The following TRMT10B variants were observed in gnomAD, a reference collection of about 807,000 sequenced individuals.
TRMT10B encodes tRNA methyltransferase 10 homolog B.
TRMT10B carries 33 observed loss-of-function variants against 43.8 expected under a neutral mutation model. That is an observed-to-expected ratio of 0.75 (90% CI 0.57 to 1.01). The LOEUF is 1.01. TRMT10B is among the 50% of genes least tolerant of loss of function. The pLI is 0.00. For synonymous variants in TRMT10B, 137 were observed against 130.6 expected, an observed-to-expected ratio of 1.05 and a Z score of -0.34; for missense variants, 362 against 369.8, an observed-to-expected ratio of 0.98 and a Z score of 0.17.
intron 7 of TRMT10B, among the ~76,000 whole-genome samples, chr9:37,775,182 A>G (rs866335252): frequency 3.9e-5 from 6 of 152,250 alleles, no homozygotes; most frequent in African/African-American, 1.4e-4. Context: ...CCCTGTCACA[A>G]GAGCTGTCCA....
At chr9:37,756,083 C>G (rs749360693) in intron 1 of TRMT10B, among the ~76,000 whole-genome samples, 2 of 152,134 alleles carry the variant, frequency 1.3e-5, no homozygotes, top group Non-Finnish European at 1.5e-5. Context: ...CCAGTCATTC[C>G]CCAACAGGCC....
chr9:37,761,955 T>A lies in TRMT10B; in HGVS notation c.24T>A (p.Ser8Arg). The change falls in exon 2 of 9, where the codon AGT becomes AGA. Residue 8 changes from serine (S) to arginine (R), a missense_variant. Ser to Arg is a moderately radical substitution (Grantham distance 110, BLOSUM62 -1). Coordinates refer to ENST00000297994, the MANE Select transcript of TRMT10B (RefSeq NM_144964.4). Reference protein sequence around the residue: MDWKLEGSTQKVESPVLQ... With the variant: MDWKLEGRTQKVESPVLQ... ...CCATGGACTGGAAATTGGAAGGGAG[T>A]ACTCAGAAAGTAGAGTCACCTGTGC... The A allele has an allele frequency of 6.2e-7, 1 of 1,613,100 alleles. No homozygotes were observed. The highest frequency in any genetic ancestry group is 8.5e-7 in the Non-Finnish European group (1 of 1,179,480).
intron 3 of TRMT10B, 130 bp downstream of exon 3, chr9:37,762,815 C>CT: frequency 8.4e-7 from 1 of 1,195,140 alleles, no homozygotes; most frequent in Non-Finnish European, 1.1e-6. Context: ...GCCCTATTTT[C>CT]TTGGGAATCA....
chr9:37,763,829 T>A, intron 4 of TRMT10B, 76 bp downstream of exon 4: 1 of 1,610,206 alleles, frequency 6.2e-7, no homozygotes, highest in Non-Finnish European at 8.5e-7. Flanking sequence ...CCGAAGAATA[T>A]GGTCAACTCC....
In TRMT10B at chr9:37,778,004, C is replaced by A. The variant is rs1405995435; in HGVS notation, c.*297C>A. 8.0e-5 allele frequency: 15 copies of A among 187,550 alleles called. No individual in the cohort carries two copies. The highest frequency in any genetic ancestry group is 1.2e-4 in the Admixed American group (2 of 16,340). 11.6% of individuals were successfully genotyped at this position (187,550 alleles called of 1,614,324 possible). A position where few individuals can be genotyped will look rare whatever the true frequency, so the allele number is the denominator to read the frequency against. ...TGGGTGACAGAGCAAGACTCCATCT[C>A]AAAAAAAAAATAAATAAAAAAAAAT... On this transcript the variant is annotated 3_prime_UTR_variant, in exon 9 of 9. Coordinates refer to ENST00000297994, the MANE Select transcript of TRMT10B (RefSeq NM_144964.4).
chr9:37,755,289 T>TTTTA (rs1554674553), intron 1 of TRMT10B, among the ~76,000 whole-genome samples: 1 of 149,134 alleles, frequency 6.7e-6, no homozygotes, highest in African/African-American at 2.5e-5. Flanking sequence ...TTTTTTTTTT[T>TTTTA]AAAGTTAGTT....
At chr9:37,776,548 G>A in intron 8 of TRMT10B, 143 bp downstream of exon 8, 1 of 1,023,480 alleles carries the variant, frequency 9.8e-7, no homozygotes, top group Non-Finnish European at 1.3e-6. Context: ...ATATATTCTG[G>A]CCACTAAGAG....
chr9:37,777,197 A>T (rs1020642598), intron 8 of TRMT10B, among the ~76,000 whole-genome samples: 25 of 26,512 alleles, frequency 9.4e-4, no homozygotes, highest in South Asian at 2.2e-3. Flanking sequence ...TCCGCCTCAA[A>T]AAAAAAAAAA....
At chr9:37,766,362 C>G (rs1383102226) in intron 4 of TRMT10B, among the ~76,000 whole-genome samples, 2 of 152,136 alleles carry the variant, frequency 1.3e-5, no homozygotes, top group Non-Finnish European at 2.9e-5. Context: ...TTGTTTTTCT[C>G]AGGTTTGTCA....
chr9:37,777,830 A>G lies in TRMT10B; in HGVS notation c.*123A>G, dbSNP rs762226091. The G allele has an allele frequency of 1.0e-4, 69 of 681,264 alleles. No individual in the cohort carries two copies. The highest frequency in any genetic ancestry group is 1.6e-4 in the Non-Finnish European group (63 of 399,102). 42.2% of individuals were successfully genotyped at this position (681,264 alleles called of 1,614,324 possible). On this transcript the variant is annotated 3_prime_UTR_variant, in exon 9 of 9. Coordinates refer to ENST00000297994, the MANE Select transcript of TRMT10B (RefSeq NM_144964.4). ...CGACCAGCCTGGCCAACATGGTGAA[A>G]CCCTTCTCTACTGAAAATACAAAAA... is the stretch of plus-strand genomic sequence containing the variant.
upstream of TRMT10B, among the ~76,000 whole-genome samples, chr9:37,753,169 C>T (rs78184314): frequency 3.0e-4 from 45 of 152,236 alleles, no homozygotes; most frequent in Non-Finnish European, 5.4e-4. Context: ...ACCATGAACC[C>T]GCCAGAAGGA....
rs770578202 is a variant in TRMT10B at position 37,763,734 on chromosome 9, C to T, written c.401C>T (p.Thr134Ile). ...AGACTATGTATCGATTTGAGTATGA[C>T]CCACTACATGTCAAAGAAGGTAGAA... ...GPRLCIDLSM[T>I]HYMSKKELSR... is the part of the protein sequence containing the mutation. Residue 134 changes from threonine (T) to isoleucine (I), a missense_variant, in exon 4 of 9, where the codon ACC (threonine) becomes ATC (isoleucine). Transcript: ENST00000297994. The T allele has an allele frequency of 5.6e-6, 9 of 1,614,098 alleles. No homozygotes were observed. Among genetic ancestry groups the T allele is most frequent in the South Asian group, 3.3e-5 (3 of 91,078 alleles).
At chr9:37,770,555 CTTTT>C in intron 6 of TRMT10B, 113 bp from the exon 7 acceptor site, 2 of 974,900 alleles carry the variant, frequency 2.1e-6, no homozygotes, top group Non-Finnish European at 3.0e-6. Flanking sequence ...GAGCAAGTTT[CTTTT>C]TGTTTTCTAC....
At chr9:37,767,464 G>GATT (rs1253982432) in intron 4 of TRMT10B, 1 of 130,200 alleles carries the variant, frequency 7.7e-6, no homozygotes, top group Non-Finnish European at 1.5e-5. Flanking sequence ...AGTGAGCTAT[G>GATT]ATTGTACCAC....
chr9:37,775,259 T>TA (rs922848682), intron 7 of TRMT10B, among the ~76,000 whole-genome samples: 29 of 152,350 alleles, frequency 1.9e-4, no homozygotes, highest in African/African-American at 6.7e-4. Context: ...GTTAGAGTGA[T>TA]ACAGTTAACA....
intron 3 of TRMT10B, among the ~76,000 whole-genome samples, chr9:37,762,914 G>T (rs1199326614): frequency 6.7e-6 from 1 of 148,896 alleles, no homozygotes; most frequent in African/African-American, 2.5e-5. Context: ...GGGTGGATTT[G>T]CGAGGTCAGG....
intron 1 of TRMT10B, 143 bp from the exon 2 acceptor site, chr9:37,761,760 A>G: frequency 3.4e-6 from 2 of 588,624 alleles, no homozygotes; most frequent in South Asian, 2.7e-5. Flanking sequence ...TGGAAGACAC[A>G]TGCTTTTCTC....
At chr9:37,755,321 G>A (rs907074371) in intron 1 of TRMT10B, among the ~76,000 whole-genome samples, 3 of 142,638 alleles carry the variant, frequency 2.1e-5, no homozygotes, top group African/African-American at 7.8e-5. Flanking sequence ...AGACAAACAA[G>A]CTCTGGAGCT....
chr9:37,773,783 G>A lies in TRMT10B; in HGVS notation c.721-2499G>A, dbSNP rs189064725. Among the ~76,000 whole-genome samples, 7 of 152,070 alleles carry A rather than the reference G, an allele frequency of 4.6e-5. No homozygotes were observed. The East Asian group carries it at 7.8e-4, about 17-fold the overall frequency. ...AGGGAGGCGGAGGTTGCAGTGAGCCGAAATCACACCACTGTAGTCCAGCCT... is the reference window on the plus strand; with the variant it reads ...AGGGAGGCGGAGGTTGCAGTGAGCCAAAATCACACCACTGTAGTCCAGCCT... On this transcript the variant is annotated intron_variant, in intron 7 of 8. Coordinates refer to ENST00000297994, the MANE Select transcript of TRMT10B (RefSeq NM_144964.4).
Sources: gnomAD v4.1 joint callset for allele counts (sites outside exome capture counted in the v4.1 genomes callset) on GRCh38, gnomAD v4.1.1 for gene constraint, MANE v1.5 for transcripts, NCBI Gene and HGNC (gene_info 2026-07-23, HGNC 2026-07-21) for gene names.